The following TRPM7 variants were observed in gnomAD, a reference collection of about 807,000 sequenced individuals.
TRPM7 encodes the protein LTRPC ion channel family member 7.
TRPM7 carries 134 observed loss-of-function variants against 229.7 expected under a neutral mutation model. The observed-to-expected ratio is 0.58, with a 90% CI of 0.51 to 0.67. TRPM7 has a LOEUF of 0.67. Ranked by LOEUF, TRPM7 falls within the 30% of genes least tolerant of loss-of-function variation. The pLI, the probability that TRPM7 is intolerant of heterozygous loss-of-function variation, is 0.00. For missense variants in TRPM7, 1,901 were observed against 2,210.0 expected (o/e 0.86, Z 2.80); for synonymous variants, 699 against 715.2 (o/e 0.98, Z 0.36).
Position 50,648,785 on chromosome 15 carries a change from T to C in TRPM7, c.223A>G (p.Ile75Val), listed in dbSNP as rs12913973. The change falls in exon 4 of 39, where the codon ATA becomes GTA. Residue 75 changes from isoleucine to valine, a missense_variant. By Grantham distance (29) the Ile-to-Val change is conservative. Around this residue, in one of 8 missense-constraint regions of TRPM7, gnomAD observed 794 missense variants for 881.9 expected, o/e 0.90. Transcript: ENST00000646667. ...VKLGDHFNQAIEEWSVEKHTE... is the reference protein window; with the variant it reads ...VKLGDHFNQAVEEWSVEKHTE... ...TGCTTTTCCACAGACCATTCTTCTA[T>C]TGCCTGATTAAAATGGTCACCCAAT... The C allele has an allele frequency of 1.7e-3, 2,666 of 1,613,442 alleles. 2 individuals are homozygous for C. Among genetic ancestry groups the C allele is most frequent in the Non-Finnish European group, 2.1e-3 (2,476 of 1,179,686 alleles).
chr15:50,564,933 T>C (rs1221261703), intron 38 of TRPM7, among the ~76,000 whole-genome samples: 1 of 151,998 alleles, frequency 6.6e-6, no homozygotes, highest in Non-Finnish European at 1.5e-5. Context: ...CTAGTAAGTG[T>C]ATCAATGAGC....
intron 6 of TRPM7, among the ~76,000 whole-genome samples, chr15:50,637,837 A>G (rs1271943661): frequency 2.0e-5 from 3 of 152,274 alleles, no homozygotes; most frequent in Non-Finnish European, 2.9e-5. Context: ...ATATTTCATC[A>G]TCACATGCAA....
In TRPM7 at chr15:50,615,163, C is replaced by CAA. The variant is rs71124383; in HGVS notation, c.1495-902_1495-901dup. 3.8e-3 allele frequency among the ~76,000 whole-genome samples: 357 copies of CAA among 94,520 alleles called. 10 individuals are homozygous for CAA. The highest frequency in any genetic ancestry group is 7.6e-3 in the South Asian group (22 of 2,908). The allele number at this position is 94,520 out of a possible 152,430, so 62.0% of individuals were successfully genotyped here. A position where few individuals can be genotyped will look rare whatever the true frequency, so the allele number is the denominator to read the frequency against. ...GAGCGACAAGAGCGAGACTTTGTCTCAAAAAAAAAAAAAAAAAAAAAAAAA... is the reference window on the plus strand; with the variant it reads ...GAGCGACAAGAGCGAGACTTTGTCTCAAAAAAAAAAAAAAAAAAAAAAAAAAA... On this transcript the variant is annotated intron_variant, in intron 13 of 38. Transcript: ENST00000646667.
At chr15:50,592,715 GA>G (rs2059537454) in intron 25 of TRPM7, 89 bp from the exon 26 acceptor site, 6 of 930,358 alleles carry the variant, frequency 6.4e-6, no homozygotes, top group Non-Finnish European at 9.4e-6. Flanking sequence ...GATAAAAAGA[GA>G]AAAATTTCAC....
In TRPM7 at chr15:50,620,623, G is replaced by A. The variant is rs2060367081; in HGVS notation, c.1441-825C>T. On this transcript the variant is annotated intron_variant, in intron 12 of 38. Coordinates refer to ENST00000646667, the MANE Select transcript of TRPM7 (RefSeq NM_017672.6). ...ATCATATTTTACTTTACTTTGCTCTGCCTTCTTTTTACAATATTTATTTAG... is the reference window on the plus strand; with the variant it reads ...ATCATATTTTACTTTACTTTGCTCTACCTTCTTTTTACAATATTTATTTAG... 3.9e-5 allele frequency among the ~76,000 whole-genome samples: 6 copies of A among 151,956 alleles called. No individual in the cohort carries two copies. The South Asian group carries it at 8.3e-4, about 21-fold the overall frequency.
At chr15:50,622,869 G>A (rs1201032837) in intron 12 of TRPM7, among the ~76,000 whole-genome samples, 7 of 152,118 alleles carry the variant, frequency 4.6e-5, no homozygotes, top group African/African-American at 1.7e-4. Flanking sequence ...TTGGGCAACA[G>A]AGTGAGATTC....
intron 1 of TRPM7, among the ~76,000 whole-genome samples, chr15:50,678,034 T>A (rs1448740029): frequency 6.6e-6 from 1 of 151,370 alleles, no homozygotes; most frequent in East Asian, 2.0e-4. Flanking sequence ...GGTCAGGAGA[T>A]TGAGACCAGT....
Position 50,648,595 on chromosome 15 carries a change from A to C in TRPM7, c.321+92T>G, listed in dbSNP as rs185521381. The C allele has an allele frequency of 3.1e-4, 367 of 1,173,172 alleles. 2 individuals are homozygous for C. The highest frequency in any genetic ancestry group is 2.9e-3 in the Middle Eastern group (14 of 4,788). The allele number at this position is 1,173,172 out of a possible 1,614,324, so 72.7% of individuals were successfully genotyped here. On this transcript the variant is annotated intron_variant, in intron 4 of 38. Transcript: ENST00000646667. ...TTTAAAATATACAAATAAATTACTGAGACCAACTTTTTGTCAATATTGCTA... is the reference window on the plus strand; with the variant it reads ...TTTAAAATATACAAATAAATTACTGCGACCAACTTTTTGTCAATATTGCTA...
chr15:50,619,640 A>G lies in TRPM7; in HGVS notation c.1494+105T>C, dbSNP rs533674004. The G allele has an allele frequency of 2.1e-4, 202 of 975,200 alleles. 4 individuals are homozygous for G. The South Asian group carries it at 3.5e-3, about 17-fold the overall frequency. 60.4% of individuals were successfully genotyped at this position (975,200 alleles called of 1,614,324 possible). ...ATCTTGTTCTGTAAACTGTAATTTT[A>G]TTGGTATTTCTAAAATGTATTTAAA... On this transcript the variant is annotated intron_variant, in intron 13 of 38. Coordinates refer to ENST00000646667, the MANE Select transcript of TRPM7 (RefSeq NM_017672.6).
Position 50,686,659 on chromosome 15 carries a change from G to A in TRPM7, c.-126C>T. On this transcript the variant is annotated 5_prime_UTR_variant, in exon 1 of 39. Coordinates refer to ENST00000646667, the MANE Select transcript of TRPM7 (RefSeq NM_017672.6). ...AGGCCGCCGGACAAGGAACGCCCAG[G>A]GAAACCTTCTCAGAACTAACTCAGC... 7.3e-7 allele frequency: 1 copy of A among 1,369,130 alleles called. No homozygotes were observed. The highest frequency in any genetic ancestry group is 1.5e-5 in the African/African-American group (1 of 67,912). The allele number at this position is 1,369,130 out of a possible 1,614,324, so 84.8% of individuals were successfully genotyped here.
In TRPM7 at chr15:50,661,437, ACT is replaced by A. The variant is rs1405480418; in HGVS notation, c.83+1528_83+1529del. On this transcript the variant is annotated intron_variant, in intron 2 of 38. Transcript: ENST00000646667. ...ATAATGACAGTCTTAATGTATTGAA[ACT>A]CTACGTATTGCTTCAACTTTGTTTC... Among the ~76,000 whole-genome samples, 11 of 152,060 alleles carry A rather than the reference ACT, an allele frequency of 7.2e-5. No individual in the cohort carries two copies. In the East Asian group the frequency reaches 1.2e-3, roughly 16 times the overall value.
At chr15:50,611,730 C>G (rs1346936105) in intron 16 of TRPM7, among the ~76,000 whole-genome samples, 1 of 152,198 alleles carries the variant, frequency 6.6e-6, no homozygotes, top group Non-Finnish European at 1.5e-5. Context: ...ACATCTGAAT[C>G]TTGAAGTCCC....
In TRPM7 at chr15:50,609,961, C is replaced by A; in HGVS notation, c.2281G>T (p.Val761Phe). The A allele has an allele frequency of 1.3e-6, 2 of 1,566,364 alleles. No individual in the cohort carries two copies. The highest frequency in any genetic ancestry group is 1.9e-5 in the Admixed American group (1 of 53,356). The change falls in exon 18 of 39, where the codon GTC becomes TTC. Residue 761 changes from valine to phenylalanine, a missense_variant and splice_region_variant. Physicochemically the swap from Val to Phe is conservative, Grantham distance 50. Around this residue, in one of 8 missense-constraint regions of TRPM7, gnomAD observed 14 missense variants for 16.3 expected, o/e 0.86. Transcript: ENST00000646667. The stretch of plus-strand genomic sequence containing the variant: ...GGTGGAACTAAAATGCTTAGTATGA[C>A]CTAAATTTTTAGAAACATAATTTTG... ...LNMRKNSWYK[V>F]ILSILVPPAI...
Position 50,614,455 on chromosome 15 carries a change from G to A in TRPM7, c.1495-192C>T, listed in dbSNP as rs147905189. On this transcript the variant is annotated intron_variant, in intron 13 of 38. Transcript: ENST00000646667. ...CAAGGCGGGTGCATCACCTGAGGTC[G>A]AGTTTGAGATCAGCCTGACCAACAT... Among the ~76,000 whole-genome samples, 38 of 152,180 alleles carry A rather than the reference G, an allele frequency of 2.5e-4. No homozygotes were observed. In the East Asian group the frequency reaches 5.8e-3, roughly 23 times the overall value.
intron 4 of TRPM7, among the ~76,000 whole-genome samples, chr15:50,644,119 C>A (rs1000978720): frequency 6.6e-6 from 1 of 152,046 alleles, no homozygotes; most frequent in Non-Finnish European, 1.5e-5. Context: ...CTGTAAATAA[C>A]TGGATTTGAT....
At chr15:50,578,737 T>C (rs1368343731) in intron 30 of TRPM7, 73 bp from the exon 31 acceptor site, 14 of 1,059,778 alleles carry the variant, frequency 1.3e-5, no homozygotes, top group Non-Finnish European at 1.8e-5. Context: ...AATTTTTTGA[T>C]TTTATACAAT....
chr15:50,564,796 AT>A (rs949980337), intron 38 of TRPM7, among the ~76,000 whole-genome samples: 7 of 152,140 alleles, frequency 4.6e-5, no homozygotes, highest in African/African-American at 1.7e-4. Context: ...TATATTAATT[AT>A]TTTTGATAAA....
At chr15:50,663,989 A>T (rs1475268812) in intron 1 of TRPM7, among the ~76,000 whole-genome samples, 3 of 151,860 alleles carry the variant, frequency 2.0e-5, no homozygotes, top group Non-Finnish European at 4.4e-5. Context: ...AAAAAACCTG[A>T]AAAAAAGACA....
At chr15:50,644,669 T>A (rs2061206131) in intron 4 of TRPM7, among the ~76,000 whole-genome samples, 1 of 151,534 alleles carries the variant, frequency 6.6e-6, no homozygotes, top group Admixed American at 6.6e-5. Flanking sequence ...TAGGCGTGAG[T>A]GCTTGTAATC....
Sources: gnomAD v4.1 joint callset for allele counts (sites outside exome capture counted in the v4.1 genomes callset) on GRCh38, gnomAD v4.1.1 for gene constraint, gnomAD v4.1.1 regional missense constraint, MANE v1.5 for transcripts, NCBI Gene and HGNC (gene_info 2026-07-23, HGNC 2026-07-21) for gene names.